The following EPB41L5 variants were observed in gnomAD, a reference collection of about 807,000 sequenced individuals.
EPB41L5 encodes the protein band 4.1-like protein 5.
EPB41L5 carries 55 observed loss-of-function variants against 106.6 expected under a neutral mutation model. The ratio of observed to expected loss-of-function variants is 0.52; its 90% CI spans 0.42 to 0.65. The LOEUF (loss-of-function observed/expected upper bound fraction) is 0.65. Ranked by LOEUF, EPB41L5 falls within the 30% of genes least tolerant of loss-of-function variation. The probability of loss-of-function intolerance (pLI) is 0.00; values close to 1 mark genes in which losing one functional copy is unlikely to be tolerated. For synonymous variants in EPB41L5, 297 were observed against 306.7 expected, an observed-to-expected ratio of 0.97 and a Z score of 0.33; for missense variants, 871 against 882.1, an observed-to-expected ratio of 0.99 and a Z score of 0.16.
chr2:120,082,377 G>T (rs936713550), intron 10 of EPB41L5, among the ~76,000 whole-genome samples: 1 of 152,096 alleles, frequency 6.6e-6, no homozygotes, highest in African/African-American at 2.4e-5. Context: ...CGTGGTTTTT[G>T]TCATTAGTTC....
At chr2:120,039,781 T>C (rs13017547) in intron 2 of EPB41L5, among the ~76,000 whole-genome samples, 104,185 of 149,344 alleles carry the variant, frequency 0.7, 37,535 homozygotes, top group Non-Finnish European at 0.79. Flanking sequence ...GCTGAGATTG[T>C]GCCATTGCAC....
At chr2:120,153,517 T>C (rs961286677) in intron 20 of EPB41L5, among the ~76,000 whole-genome samples, 7 of 152,166 alleles carry the variant, frequency 4.6e-5, no homozygotes, top group African/African-American at 1.7e-4. Context: ...GTTTATATTA[T>C]TGTTTAATTC....
chr2:120,173,692 CT>C (rs1687793520), intron 24 of EPB41L5, among the ~76,000 whole-genome samples: 1 of 152,106 alleles, frequency 6.6e-6, no homozygotes, highest in African/African-American at 2.4e-5. Context: ...CATCTTTAAA[CT>C]TTTTTTAGAG....
In EPB41L5 at chr2:120,090,628, G is replaced by A. The variant is rs1683345978; in HGVS notation, c.1043+112G>A. The A allele has an allele frequency of 1.1e-6, 1 of 889,332 alleles. No homozygotes were observed. The highest frequency in any genetic ancestry group is 2.6e-5 in the East Asian group (1 of 38,582). 55.1% of individuals were successfully genotyped at this position (889,332 alleles called of 1,614,324 possible). A position where few individuals can be genotyped will look rare whatever the true frequency, so the allele number is the denominator to read the frequency against. On this transcript the variant is annotated intron_variant, in intron 12 of 24. Transcript: ENST00000263713. ...AACTAAGGTATAGAGGAATAAGGTG[G>A]TTTGCCAGAGTCTTCCATTGGCCAA...
At chr2:120,079,945 A>C (rs1682526333) in intron 10 of EPB41L5, among the ~76,000 whole-genome samples, 1 of 152,106 alleles carries the variant, frequency 6.6e-6, no homozygotes, top group Admixed American at 6.6e-5. Flanking sequence ...TGCCCCCGCT[A>C]ACTGCCTAAG....
intron 3 of EPB41L5, among the ~76,000 whole-genome samples, chr2:120,054,798 A>G (rs13385801): frequency 0.25 from 37,268 of 151,336 alleles, 4,883 homozygotes; most frequent in South Asian, 0.35. Context: ...TATTTACTAT[A>G]GACTATAGAT....
At chr2:120,032,104 C>T (rs1678750313) in intron 2 of EPB41L5, among the ~76,000 whole-genome samples, 1 of 152,022 alleles carries the variant, frequency 6.6e-6, no homozygotes, top group African/African-American at 2.4e-5. Flanking sequence ...TGAAATGGGC[C>T]AGGCGCGGTG....
intron 2 of EPB41L5, among the ~76,000 whole-genome samples, chr2:120,040,399 AT>A (rs1435778760): frequency 1.3e-5 from 2 of 152,046 alleles, no homozygotes; most frequent in South Asian, 4.1e-4. Context: ...AATGGAATAA[AT>A]TTTTTTTGAG....
chr2:120,100,369 G>A (rs1684060712), intron 15 of EPB41L5, 83 bp downstream of exon 15: 1 of 1,323,746 alleles, frequency 7.6e-7, no homozygotes, highest in African/African-American at 1.5e-5. Flanking sequence ...TTTTCATAGT[G>A]GTGTATGTAA....
chr2:120,098,629 G>A (rs1229129989), intron 14 of EPB41L5, among the ~76,000 whole-genome samples: 1 of 152,212 alleles, frequency 6.6e-6, no homozygotes, highest in Non-Finnish European at 1.5e-5. Context: ...AACCCAAGGT[G>A]TACAGAATAG....
chr2:120,141,319 C>A (rs545144818), intron 18 of EPB41L5, among the ~76,000 whole-genome samples: 1 of 152,226 alleles, frequency 6.6e-6, no homozygotes, highest in Non-Finnish European at 1.5e-5. Context: ...TGACCACTTT[C>A]TTTCCCAGGT....
At chr2:120,095,920 T>G (rs1683725528) in intron 14 of EPB41L5, among the ~76,000 whole-genome samples, 2 of 152,232 alleles carry the variant, frequency 1.3e-5, no homozygotes, top group South Asian at 4.1e-4. Context: ...TCCGCCTGTC[T>G]CGGCCTCCCA....
chr2:120,115,433 C>T (rs1409819202), intron 16 of EPB41L5, among the ~76,000 whole-genome samples: 2 of 152,234 alleles, frequency 1.3e-5, no homozygotes, highest in Admixed American at 1.3e-4. Flanking sequence ...GAGACGGAGT[C>T]TCACTCTGTC....
intron 3 of EPB41L5, among the ~76,000 whole-genome samples, chr2:120,045,906 T>A (rs1679739336): frequency 6.6e-6 from 1 of 152,032 alleles, no homozygotes; most frequent in African/African-American, 2.4e-5. Flanking sequence ...AGAACATATG[T>A]TGTTTGGTTT....
rs1679504306 is a variant in EPB41L5 at position 120,042,998 on chromosome 2, TGTGTGTGTGTGTGTGTGTG to T, written c.285+889_285+907del. Among the ~76,000 whole-genome samples, 44 of 127,612 alleles carry T rather than the reference TGTGTGTGTGTGTGTGTGTG, an allele frequency of 3.4e-4. 1 individual carries two copies. Among genetic ancestry groups the T allele is most frequent in the African/African-American group, 1.1e-3 (30 of 28,476 alleles). 83.7% of individuals were successfully genotyped at this position (127,612 alleles called of 152,430 possible). The stretch of plus-strand genomic sequence containing the variant: ...CATTAAGCCTTTTTTTCTGGAAATG[TGTGTGTGTGTGTGTGTGTG>T]TGTGTGTGTGTGTGTGTGTGTGTGT... On this transcript the variant is annotated intron_variant, in intron 3 of 24. Transcript: ENST00000263713.
chr2:120,020,062 C>T (rs899508612), intron 2 of EPB41L5, among the ~76,000 whole-genome samples: 1 of 152,092 alleles, frequency 6.6e-6, no homozygotes, highest in African/African-American at 2.4e-5. Flanking sequence ...GAATATTTTT[C>T]TGAGTTGCTT....
intron 10 of EPB41L5, among the ~76,000 whole-genome samples, chr2:120,086,623 G>A (rs1292430012): frequency 6.6e-6 from 1 of 151,938 alleles, no homozygotes; most frequent in African/African-American, 2.4e-5. Flanking sequence ...TTAGCCTGGT[G>A]TGGTGTGGGA....
chr2:120,104,498 A>G (rs1684334575), intron 16 of EPB41L5: 1 of 1,131,480 alleles, frequency 8.8e-7, no homozygotes, highest in African/African-American at 1.6e-5. Context: ...AAGAGTTTTC[A>G]GACCTTAGTA....
At chr2:120,108,579 C>G (rs1207143460) in intron 16 of EPB41L5, 1 of 152,038 alleles carries the variant, frequency 6.6e-6, no homozygotes, top group Non-Finnish European at 1.5e-5. Context: ...AAGATGATTG[C>G]TGGCTTGATT....
Sources: gnomAD v4.1 joint callset for allele counts (sites outside exome capture counted in the v4.1 genomes callset) on GRCh38, gnomAD v4.1.1 for gene constraint, MANE v1.5 for transcripts, NCBI Gene and HGNC (gene_info 2026-07-23, HGNC 2026-07-21) for gene names.